The following GDPD4 variants were observed in gnomAD, a reference collection of about 807,000 sequenced individuals.
The protein encoded by GDPD4 is glycerophosphodiester phosphodiesterase 6.
In GDPD4, 60 loss-of-function variants were observed where a neutral mutation model predicts 67.8. That is an observed-to-expected ratio of 0.88 (90% CI 0.72 to 1.10). The LOEUF (loss-of-function observed/expected upper bound fraction) is 1.10. Ranked by LOEUF, GDPD4 falls within the 50% of genes least tolerant of loss-of-function variation. The pLI, the probability that GDPD4 is intolerant of heterozygous loss-of-function variation, is 0.00. For missense variants in GDPD4, 623 were observed against 613.9 expected (o/e 1.01, Z -0.16); for synonymous variants, 212 against 210.9 (o/e 1.00, Z -0.04).
Position 77,217,164 on chromosome 11 carries a change from G to A in GDPD4, c.*113C>T, listed in dbSNP as rs1433865036. The A allele has an allele frequency of 1.2e-6, 1 of 816,502 alleles. No homozygotes were observed. The highest frequency in any genetic ancestry group is 1.3e-5 in the South Asian group (1 of 74,328). 50.6% of individuals were successfully genotyped at this position (816,502 alleles called of 1,614,324 possible). On this transcript the variant is annotated 3_prime_UTR_variant, in exon 17 of 17. Transcript: ENST00000315938. ...TTGGATGGTGCTGCAAAATTGAAAT[G>A]GCCTTGGTGTTCCTTTCCACTCTTG...
chr11:77,233,016 C>G lies in GDPD4; in HGVS notation c.1389+9G>C. On this transcript the variant is annotated intron_variant, in intron 14 of 16. Coordinates refer to ENST00000315938, the MANE Select transcript of GDPD4 (RefSeq NM_182833.3). ...AAGCCTGGAAGAACAATCTGGACAACCAGCTCACCATGAAGAAGTGAGGGT... is the reference window on the plus strand; with the variant it reads ...AAGCCTGGAAGAACAATCTGGACAAGCAGCTCACCATGAAGAAGTGAGGGT... 2.5e-6 allele frequency: 4 copies of G among 1,613,608 alleles called. No individual in the cohort carries two copies. The highest frequency in any genetic ancestry group is 3.4e-6 in the Non-Finnish European group (4 of 1,179,612).
At chr11:77,257,760 A>AGT (rs2135858224) in intron 11 of GDPD4, among the ~76,000 whole-genome samples, 1 of 152,304 alleles carries the variant, frequency 6.6e-6, no homozygotes, top group Admixed American at 6.5e-5. Flanking sequence ...TACACTGCAC[A>AGT]GCACGTGCTT....
intron 13 of GDPD4, among the ~76,000 whole-genome samples, chr11:77,237,055 G>A (rs1958582676): frequency 6.6e-6 from 1 of 152,134 alleles, no homozygotes. Flanking sequence ...ACATGGAACA[G>A]ATTTATGAGG....
intron 16 of GDPD4, among the ~76,000 whole-genome samples, chr11:77,223,589 C>T (rs1428077590): frequency 1.3e-5 from 2 of 152,186 alleles, no homozygotes; most frequent in Non-Finnish European, 2.9e-5. Context: ...GGGCACCTGG[C>T]TGTATGACCT....
chr11:77,251,021 T>C (rs1468713359), intron 11 of GDPD4, among the ~76,000 whole-genome samples: 1 of 152,194 alleles, frequency 6.6e-6, no homozygotes, highest in African/African-American at 2.4e-5. Flanking sequence ...CCCTTCACTT[T>C]CTGTCTGTAT....
intron 16 of GDPD4, among the ~76,000 whole-genome samples, chr11:77,218,005 A>AAAGT (rs1958156294): frequency 6.6e-6 from 1 of 151,772 alleles, no homozygotes; most frequent in Non-Finnish European, 1.5e-5. Context: ...TTAATTTTTA[A>AAAGT]AAGTTTTTTA....
At chr11:77,236,107 T>C (rs956035261) in intron 13 of GDPD4, among the ~76,000 whole-genome samples, 8 of 152,066 alleles carry the variant, frequency 5.3e-5, no homozygotes, top group African/African-American at 1.9e-4. Context: ...AAAAATAGCA[T>C]GATGGTAATG....
chr11:77,233,446 G>GAAAAAAAAAAAAAAAAAAAAA (rs34507126), intron 13 of GDPD4, among the ~76,000 whole-genome samples: 2 of 100,386 alleles, frequency 2.0e-5, no homozygotes, highest in South Asian at 3.6e-4. Context: ...AAAACATATT[G>GAAAAAAAAAAAAAAAAAAAAA]AAAAAAAAAA....
intron 16 of GDPD4, among the ~76,000 whole-genome samples, chr11:77,223,221 G>C (rs943083225): frequency 6.6e-6 from 1 of 152,194 alleles, no homozygotes; most frequent in Non-Finnish European, 1.5e-5. Context: ...ACTTCTGTCA[G>C]CTTGTCAAAG....
At chr11:77,227,720 A>G in intron 16 of GDPD4, 144 bp downstream of exon 16, 1 of 658,470 alleles carries the variant, frequency 1.5e-6, no homozygotes, top group Admixed American at 2.4e-5. Flanking sequence ...CCCAGCCTAT[A>G]CTTCCCCTGG....
At chr11:77,275,984 A>G (rs1270806097) in intron 5 of GDPD4, among the ~76,000 whole-genome samples, 177 bp downstream of exon 5, 1 of 152,182 alleles carries the variant, frequency 6.6e-6, no homozygotes, top group African/African-American at 2.4e-5. Context: ...ATCAGTTGCA[A>G]CGTTAGAAAT....
intron 11 of GDPD4, among the ~76,000 whole-genome samples, chr11:77,251,268 GA>G (rs767379572): frequency 2.0e-5 from 3 of 151,896 alleles, no homozygotes; most frequent in Admixed American, 6.6e-5. Context: ...TAAAAGGTTT[GA>G]TTTTTTTTTC....
intron 1 of GDPD4, among the ~76,000 whole-genome samples, chr11:77,295,140 T>C (rs1221897386): frequency 1.3e-5 from 2 of 151,246 alleles, no homozygotes. Flanking sequence ...AATTTTGTTG[T>C]TGTTGTTGTT....
chr11:77,296,263 AAAAAAAG>A (rs1290489960), intron 1 of GDPD4, among the ~76,000 whole-genome samples: 15 of 151,288 alleles, frequency 9.9e-5, no homozygotes, highest in Non-Finnish European at 5.9e-5. Flanking sequence ...AAAAAAAAAA[AAAAAAAG>A]AAAAGAAATT....
At position 77,258,283 on chromosome 11, in the gene GDPD4, G is replaced by A. The variant is rs1959042147; in HGVS notation, c.864+103C>T. ...CTACCAAACTGGGATGAAATCGTGT[G>A]GATACTTGCCTATCTTCATCTATGG... On this transcript the variant is annotated intron_variant, in intron 11 of 16. Coordinates refer to ENST00000315938, the MANE Select transcript of GDPD4 (RefSeq NM_182833.3). 6 of 1,117,202 alleles carry A rather than the reference G, an allele frequency of 5.4e-6. 1 individual carries two copies. Among genetic ancestry groups the A allele is most frequent in the African/African-American group, 1.5e-5 (1 of 65,166 alleles). The allele number at this position is 1,117,202 out of a possible 1,614,324, so 69.2% of individuals were successfully genotyped here.
intron 1 of GDPD4, among the ~76,000 whole-genome samples, chr11:77,289,221 G>A (rs551280104): frequency 6.6e-6 from 1 of 151,306 alleles, no homozygotes; most frequent in South Asian, 2.1e-4. Flanking sequence ...AAATTAGCTG[G>A]GCTTGGTAGT....
chr11:77,263,357 A>G (rs1959156657), intron 10 of GDPD4, among the ~76,000 whole-genome samples: 1 of 152,222 alleles, frequency 6.6e-6, no homozygotes, highest in East Asian at 1.9e-4. Flanking sequence ...GATAAAAGAC[A>G]TATGCTTTAC....
rs57989259 is a variant in GDPD4, at chr11:77,235,009, G to GTTTT, written c.1242-1841_1242-1838dup. On this transcript the variant is annotated intron_variant, in intron 13 of 16. Transcript: ENST00000315938. ...TCTCTCTGCAACCTTGTCAATATCTGTTTTTTTTTTTTTTTTTTTTTTTTT... is the reference window on the plus strand; with the variant it reads ...TCTCTCTGCAACCTTGTCAATATCTGTTTTTTTTTTTTTTTTTTTTTTTTTTTTT... 3.1e-4 allele frequency among the ~76,000 whole-genome samples: 16 copies of GTTTT among 52,254 alleles called. 1 individual carries two copies. Among genetic ancestry groups the GTTTT allele is most frequent in the African/African-American group, 6.9e-4 (11 of 15,840 alleles). The allele number at this position is 52,254 out of a possible 152,430, so 34.3% of individuals were successfully genotyped here.
At chr11:77,276,269 GC>G in intron 4 of GDPD4, 49 bp from the exon 5 acceptor site, 1 of 1,423,600 alleles carries the variant, frequency 7.0e-7, no homozygotes, top group Non-Finnish European at 9.9e-7. Flanking sequence ...TCACCAAGTT[GC>G]CACCCAAAGC....
Sources: allele counts gnomAD v4.1 joint callset (sites outside exome capture counted in the v4.1 genomes callset), GRCh38; gene constraint gnomAD v4.1.1; transcripts MANE v1.5; gene names NCBI Gene and HGNC (gene_info 2026-07-23, HGNC 2026-07-21).